The following STN1 variants were observed in gnomAD, a reference collection of about 807,000 sequenced individuals.
The protein encoded by STN1 is CST complex subunit STN1.
In STN1, 29 loss-of-function variants were observed where a neutral mutation model predicts 45.5. That is an observed-to-expected ratio of 0.64 (90% CI 0.47 to 0.87). The LOEUF is 0.87. Among genes scored for constraint, STN1 ranks in the 40% least tolerant of loss-of-function variants. The probability of loss-of-function intolerance (pLI) is 0.00; values close to 1 mark genes in which losing one functional copy is unlikely to be tolerated. For synonymous variants in STN1, 148 were observed against 159.0 expected, an observed-to-expected ratio of 0.93 and a Z score of 0.52; for missense variants, 376 against 441.4, an observed-to-expected ratio of 0.85 and a Z score of 1.33.
chr10:103,889,011 C>T, intron 9 of STN1, 61 bp downstream of exon 9: 2 of 1,206,926 alleles, frequency 1.7e-6, no homozygotes, highest in Non-Finnish European at 2.5e-6. Context: ...TCCAGTGCTC[C>T]CCGGGAGACA....
intron 9 of STN1, among the ~76,000 whole-genome samples, chr10:103,888,381 G>A (rs1013336117): frequency 1.3e-4 from 19 of 151,832 alleles, no homozygotes; most frequent in African/African-American, 4.4e-4. Flanking sequence ...CTTTAAGACC[G>A]GTCAGTTTAC....
In STN1 at chr10:103,909,470, G is replaced by GTGTATATATGTATATATGTA. The variant is rs1843271995; in HGVS notation, c.229+1056_229+1057insTACATATATACATATATACA. On this transcript the variant is annotated intron_variant, in intron 3 of 9. Coordinates refer to ENST00000224950, the MANE Select transcript of STN1 (RefSeq NM_024928.5). ...TATATATGTATATATGTATATATAT[G>GTGTATATATGTATATATGTA]TATATATGTATATATATGTGTGTGT... Among the ~76,000 whole-genome samples, 56 of 105,218 alleles carry GTGTATATATGTATATATGTA rather than the reference G, an allele frequency of 5.3e-4. 2 individuals are homozygous for GTGTATATATGTATATATGTA. Among genetic ancestry groups the GTGTATATATGTATATATGTA allele is most frequent in the African/African-American group, 2.3e-3 (55 of 23,832 alleles). The allele number at this position is 105,218 out of a possible 152,430, so 69.0% of individuals were successfully genotyped here. A position where few individuals can be genotyped will look rare whatever the true frequency, so the allele number is the denominator to read the frequency against.
At chr10:103,904,967 T>C in intron 4 of STN1, 124 bp downstream of exon 4, 3 of 834,076 alleles carry the variant, frequency 3.6e-6, no homozygotes, top group Non-Finnish European at 6.1e-6. Context: ...GTGCTTCAGG[T>C]AGATCAATGT....
chr10:103,881,769 C>G lies in STN1; in HGVS notation c.*915G>C, dbSNP rs1011893714. 6.6e-6 allele frequency among the ~76,000 whole-genome samples: 1 copy of G among 152,226 alleles called. No homozygotes were observed. Among genetic ancestry groups the G allele is most frequent in the African/African-American group, 2.4e-5 (1 of 41,462 alleles). ...TGGATTTGTCATTTTGCTGTCAGAA[C>G]AGGCCTACAACATACCTCAGATGTT... is the stretch of plus-strand genomic sequence containing the variant. On this transcript the variant is annotated 3_prime_UTR_variant, in exon 10 of 10. Coordinates refer to ENST00000224950, the MANE Select transcript of STN1 (RefSeq NM_024928.5).
intron 8 of STN1, among the ~76,000 whole-genome samples, chr10:103,891,680 T>C (rs1331873744): frequency 6.6e-6 from 1 of 152,206 alleles, no homozygotes; most frequent in South Asian, 2.1e-4. Context: ...GGAGCACATT[T>C]GTATATGTAT....
chr10:103,891,249 A>C (rs1843137533), intron 8 of STN1, among the ~76,000 whole-genome samples: 1 of 152,236 alleles, frequency 6.6e-6, no homozygotes, highest in African/African-American at 2.4e-5. Context: ...ATCAAAAAGG[A>C]ATGTCTAAAA....
rs1843121810 is a variant in STN1, at chr10:103,889,082, C to T, written c.939G>A (p.Gln313=). Residue 313 remains glutamine (Q), a synonymous_variant, in exon 9 of 10, where the codon CAG becomes CAA. Transcript: ENST00000224950. ...CATTATACCACTTACGATTTGGTTT[C>T]TGGCAGTCCTGCTGAATGATCCGGT... ...KIHRIIQQDC[Q]KPNHMEKGCH... 6.2e-7 allele frequency: 1 copy of T among 1,612,646 alleles called. No individual in the cohort carries two copies. Among genetic ancestry groups the T allele is most frequent in the Non-Finnish European group, 8.5e-7 (1 of 1,178,680 alleles).
At position 103,906,346 on chromosome 10, in the gene STN1, T is replaced by C. The variant is rs565881783; in HGVS notation, c.230-1190A>G. Among the ~76,000 whole-genome samples the C allele has an allele frequency of 1.3e-4, 20 of 152,142 alleles. No individual in the cohort carries two copies. In the South Asian group the frequency reaches 3.7e-3, roughly 28 times the overall value. On this transcript the variant is annotated intron_variant, in intron 3 of 9. Coordinates refer to ENST00000224950, the MANE Select transcript of STN1 (RefSeq NM_024928.5). The stretch of plus-strand genomic sequence containing the variant: ...GATAGCAATATTCCAAATGATAGGG[T>C]TAATGATTTAATATATAAAGAGCTC...
chr10:103,917,755 G>C (rs1843344049), intron 1 of STN1, 99 bp from the exon 2 acceptor site: 2 of 681,152 alleles, frequency 2.9e-6, no homozygotes, highest in South Asian at 2.0e-5. Context: ...GACTCCAGGA[G>C]GGGTGAACGC....
chr10:103,904,314 T>G (rs1438406367), intron 4 of STN1, among the ~76,000 whole-genome samples: 2 of 151,998 alleles, frequency 1.3e-5, no homozygotes, highest in African/African-American at 4.8e-5. Context: ...GAACTTAAAT[T>G]AAAAAATATC....
chr10:103,888,735 G>A (rs529096617), intron 9 of STN1, among the ~76,000 whole-genome samples: 9 of 152,140 alleles, frequency 5.9e-5, no homozygotes, highest in East Asian at 5.8e-4. Flanking sequence ...ACATCAAAAC[G>A]TCCTAGTGTG....
At position 103,880,019 on chromosome 10, in the gene STN1, C is replaced by T. The variant is rs1050039854; in HGVS notation, c.*2665G>A. Among the ~76,000 whole-genome samples, 4 of 152,248 alleles carry T rather than the reference C, an allele frequency of 2.6e-5. No individual in the cohort carries two copies. The highest frequency in any genetic ancestry group is 9.6e-5 in the African/African-American group (4 of 41,462). On this transcript the variant is annotated 3_prime_UTR_variant, in exon 10 of 10. Transcript: ENST00000224950. ...CCCACCTGGGCCTCGCTTGACCATG[C>T]TACCTGCTGCAGGAGACGGCCCGCC... is the stretch of plus-strand genomic sequence containing the variant.
intron 9 of STN1, among the ~76,000 whole-genome samples, chr10:103,885,956 C>T (rs1042474102): frequency 1.3e-5 from 2 of 152,158 alleles, no homozygotes; most frequent in African/African-American, 4.8e-5. Context: ...CATACCTCCA[C>T]CAGAAACCAC....
chr10:103,898,222 C>G (rs2134365334), intron 6 of STN1: 1 of 153,376 alleles, frequency 6.5e-6, no homozygotes, highest in East Asian at 1.9e-4. Context: ...AAAGGATACA[C>G]AGTAAAGTCT....
intron 2 of STN1, among the ~76,000 whole-genome samples, chr10:103,917,131 A>ATATC (rs1054991569): frequency 6.6e-6 from 1 of 152,112 alleles, no homozygotes; most frequent in African/African-American, 2.4e-5. Context: ...AGGCCTAGGA[A>ATATC]TATCTGGCCC....
At chr10:103,898,456 C>T (rs1843186124) in intron 6 of STN1, 1 of 156,406 alleles carries the variant, frequency 6.4e-6, no homozygotes, top group African/African-American at 2.4e-5. Flanking sequence ...TTATGACGTG[C>T]TATGGTATCA....
intron 2 of STN1, among the ~76,000 whole-genome samples, chr10:103,913,561 T>C (rs1843305385): frequency 6.6e-6 from 1 of 151,740 alleles, no homozygotes; most frequent in Non-Finnish European, 1.5e-5. Context: ...GAGGAGGAAA[T>C]ACACTGCTTA....
Position 103,911,415 on chromosome 10 carries a change from C to T in STN1, c.134-793G>A, listed in dbSNP as rs374361154. On this transcript the variant is annotated intron_variant, in intron 2 of 9. Transcript: ENST00000224950. ...TCCCCACTTCACCTTAAGCTACACG[C>T]ACTGTGTTCCTGTCACCTGCAGCTA... Among the ~76,000 whole-genome samples the T allele has an allele frequency of 3.0e-4, 45 of 152,330 alleles. No individual in the cohort carries two copies. The South Asian group carries it at 8.9e-3, about 30-fold the overall frequency.
chr10:103,878,707 G>A lies in STN1; in HGVS notation c.*3977C>T, dbSNP rs1337984226. On this transcript the variant is annotated 3_prime_UTR_variant, in exon 10 of 10. Coordinates refer to ENST00000224950, the MANE Select transcript of STN1 (RefSeq NM_024928.5). ...GAGGTAACATGTGCATCCCTTTGGT[G>A]AGAATTTCTAGTAATCTGTCTGATG... 1.3e-5 allele frequency: 2 copies of A among 152,230 alleles called. No individual in the cohort carries two copies. Among genetic ancestry groups the A allele is most frequent in the Non-Finnish European group, 2.9e-5 (2 of 68,044 alleles). The allele number at this position is 152,230 out of a possible 1,614,324, so 9.4% of individuals were successfully genotyped here.
Sources: gnomAD v4.1 joint callset for allele counts (sites outside exome capture counted in the v4.1 genomes callset) on GRCh38, gnomAD v4.1.1 for gene constraint, MANE v1.5 for transcripts, NCBI Gene and HGNC (gene_info 2026-07-23, HGNC 2026-07-21) for gene names.